The following PTPRD variants were observed in gnomAD, a reference collection of about 807,000 sequenced individuals.
PTPRD encodes the protein receptor-type tyrosine-protein phosphatase delta.
Under a neutral mutation model 214.5 loss-of-function variants are expected in PTPRD, and 34 were observed. That is an observed-to-expected ratio of 0.16 (90% CI 0.12 to 0.21). The LOEUF is 0.21. PTPRD is among the 10% of genes least tolerant of loss of function. The pLI, the probability that PTPRD is intolerant of heterozygous loss-of-function variation, is 1.00. For missense variants in PTPRD, 2,545 were observed against 2,398.7 expected (o/e 1.06, Z -1.27); for synonymous variants, 1,128 against 845.7 (o/e 1.33, Z -5.79).
At chr9:9,388,507 A>G (rs1236087029) in intron 9 of PTPRD, among the ~76,000 whole-genome samples, 3 of 152,212 alleles carry the variant, frequency 2.0e-5, no homozygotes, top group Non-Finnish European at 4.4e-5. Context: ...GGACTGTCCA[A>G]GTAAACTAAG....
intron 5 of PTPRD, among the ~76,000 whole-genome samples, chr9:9,895,744 A>C (rs1437282190): frequency 6.6e-6 from 1 of 152,092 alleles, no homozygotes; most frequent in Admixed American, 6.6e-5. Flanking sequence ...TTGTTTCTTC[A>C]AATTGTAAAA....
chr9:9,538,244 C>T (rs1454005092), intron 8 of PTPRD, among the ~76,000 whole-genome samples: 2 of 151,810 alleles, frequency 1.3e-5, no homozygotes, highest in African/African-American at 2.4e-5. Context: ...GATAAAAACC[C>T]TCACTACTGT....
chr9:9,719,038 T>C (rs975060678), intron 7 of PTPRD, among the ~76,000 whole-genome samples: 11 of 151,888 alleles, frequency 7.2e-5, no homozygotes, highest in African/African-American at 2.4e-4. Context: ...TGACCTGGAG[T>C]CAGAACTTCC....
At chr9:9,377,704 A>G (rs1016980798) in intron 9 of PTPRD, among the ~76,000 whole-genome samples, 1 of 152,200 alleles carries the variant, frequency 6.6e-6, no homozygotes, top group South Asian at 2.1e-4. Flanking sequence ...ACAGTGGCCC[A>G]GTTAAGCGGA....
At chr9:9,701,589 G>T (rs1351364168) in intron 7 of PTPRD, among the ~76,000 whole-genome samples, 1 of 152,190 alleles carries the variant, frequency 6.6e-6, no homozygotes, top group Admixed American at 6.5e-5. Context: ...AAAGTCTTCT[G>T]AATGGTAGAG....
chr9:8,879,212 G>C (rs1318625305), intron 11 of PTPRD, among the ~76,000 whole-genome samples: 3 of 152,140 alleles, frequency 2.0e-5, no homozygotes, highest in Non-Finnish European at 2.9e-5. Flanking sequence ...TGTTAGCTGA[G>C]AGATGGGTGA....
At chr9:10,085,708 C>T (rs553563611) in intron 3 of PTPRD, among the ~76,000 whole-genome samples, 4 of 151,808 alleles carry the variant, frequency 2.6e-5, no homozygotes, top group Admixed American at 2.0e-4. Context: ...CACACACACA[C>T]GCACAAAGGC....
At chr9:8,560,593 A>G (rs1428081290) in intron 14 of PTPRD, among the ~76,000 whole-genome samples, 1 of 152,206 alleles carries the variant, frequency 6.6e-6, no homozygotes, top group East Asian at 1.9e-4. Flanking sequence ...GAGGAGCTGA[A>G]CAAAGTCATT....
At chr9:8,597,382 T>C in intron 14 of PTPRD, among the ~76,000 whole-genome samples, 1 of 152,174 alleles carries the variant, frequency 6.6e-6, no homozygotes, top group Non-Finnish European at 1.5e-5. Context: ...AGTTCTATAT[T>C]TCCATTCAGT....
intron 3 of PTPRD, among the ~76,000 whole-genome samples, chr9:10,136,043 C>T (rs1452001240): frequency 6.6e-6 from 1 of 151,424 alleles, no homozygotes; most frequent in Admixed American, 6.6e-5. Context: ...GGAGAAAGAC[C>T]TATCATGCAA....
At chr9:10,147,727 A>C (rs1026840959) in intron 3 of PTPRD, among the ~76,000 whole-genome samples, 4 of 152,192 alleles carry the variant, frequency 2.6e-5, no homozygotes, top group African/African-American at 7.2e-5. Context: ...TAAAAATAGA[A>C]AAATTAGCCA....
At chr9:10,544,703 C>A (rs1283408011) in intron 2 of PTPRD, among the ~76,000 whole-genome samples, 1 of 152,114 alleles carries the variant, frequency 6.6e-6, no homozygotes, top group African/African-American at 2.4e-5. Context: ...CTGACAACAT[C>A]CTCTTTTTGA....
At chr9:10,307,758 T>C (rs528324301) in intron 3 of PTPRD, among the ~76,000 whole-genome samples, 32 of 152,072 alleles carry the variant, frequency 2.1e-4, no homozygotes, top group Non-Finnish European at 3.8e-4. Flanking sequence ...TAATAGCCAT[T>C]CTAACTGGGG....
chr9:10,607,712 A>G (rs2079832576), intron 2 of PTPRD, among the ~76,000 whole-genome samples: 1 of 151,994 alleles, frequency 6.6e-6, no homozygotes, highest in African/African-American at 2.4e-5. Flanking sequence ...TTCCAATTTC[A>G]TCAGTTATAT....
At chr9:8,643,512 A>G (rs1337588829) in intron 12 of PTPRD, among the ~76,000 whole-genome samples, 2 of 152,190 alleles carry the variant, frequency 1.3e-5, no homozygotes, top group African/African-American at 4.8e-5. Flanking sequence ...TGGAGCGGCC[A>G]CTGCCCTCAC....
At chr9:9,902,466 G>C (rs1601560358) in intron 5 of PTPRD, among the ~76,000 whole-genome samples, 1 of 152,128 alleles carries the variant, frequency 6.6e-6, no homozygotes, top group African/African-American at 2.4e-5. Context: ...AAATGCAAGA[G>C]TCATACATCT....
chr9:9,064,274 TAAA>T (rs994419858), intron 10 of PTPRD, among the ~76,000 whole-genome samples: 3 of 152,180 alleles, frequency 2.0e-5, no homozygotes, highest in African/African-American at 7.2e-5. Context: ...TTAGCAGGAT[TAAA>T]AATATGGATG....
chr9:9,146,473 T>C lies in PTPRD; in HGVS notation c.-143+36831A>G, dbSNP rs75888312. On this transcript the variant is annotated intron_variant, in intron 10 of 45. Transcript: ENST00000381196. ...TAATAAAAACCCCAGGTTATTCTTA[T>C]GTACACTAAAATTTGAGCACCAGTG... Among the ~76,000 whole-genome samples the C allele has an allele frequency of 7.5e-3, 1,141 of 152,276 alleles. 16 individuals are homozygous for C. The highest frequency in any genetic ancestry group is 0.041 in the Middle Eastern group (12 of 294).
chr9:9,083,571 G>A (rs1204240589), intron 10 of PTPRD, among the ~76,000 whole-genome samples: 2 of 152,100 alleles, frequency 1.3e-5, no homozygotes, highest in Non-Finnish European at 2.9e-5. Context: ...TTAAGCTAAA[G>A]AGCTTTTGCA....
Sources: allele counts gnomAD v4.1 joint callset (sites outside exome capture counted in the v4.1 genomes callset), GRCh38; gene constraint gnomAD v4.1.1; transcripts MANE v1.5; gene names NCBI Gene and HGNC (gene_info 2026-07-23, HGNC 2026-07-21).